Variants in SMCP observed in about 807,000 individuals in gnomAD.
SMCP encodes the protein sperm mitochondria associated cysteine rich protein.
For synonymous variants in SMCP, 41 were observed against 46.9 expected, an observed-to-expected ratio of 0.87 and a Z score of 0.51; for missense variants, 137 against 137.1, an observed-to-expected ratio of 1.00 and a Z score of 0.01.
At chr1:152,884,358 G>T (rs768904316) in intron 1 of SMCP, 45 bp from the exon 2 acceptor site, 46 of 1,487,116 alleles carry the variant, frequency 3.1e-5, no homozygotes, top group Non-Finnish European at 4.1e-5. Flanking sequence ...ATGAAAGCAG[G>T]CACCCAGATT....
intron 1 of SMCP, among the ~76,000 whole-genome samples, chr1:152,880,284 T>C (rs1335970936): frequency 6.6e-6 from 1 of 152,142 alleles, no homozygotes; most frequent in African/African-American, 2.4e-5. Flanking sequence ...GGACAGATAC[T>C]GGGCTCCCTG....
At chr1:152,879,432 G>A (rs866831497) in intron 1 of SMCP, among the ~76,000 whole-genome samples, 1 of 152,130 alleles carries the variant, frequency 6.6e-6, no homozygotes, top group South Asian at 2.1e-4. Context: ...TGTTGGCCAG[G>A]CTGGTCTCAA....
At chr1:152,879,265 G>T (rs2101621502) in intron 1 of SMCP, among the ~76,000 whole-genome samples, 1 of 152,264 alleles carries the variant, frequency 6.6e-6, no homozygotes, top group Non-Finnish European at 1.5e-5. Context: ...CTGTCACCCA[G>T]GCTGGAGTGC....
chr1:152,881,692 C>T lies in SMCP; in HGVS notation c.-20-2711C>T, dbSNP rs903998335. On this transcript the variant is annotated intron_variant, in intron 1 of 1. Transcript: ENST00000368765. ...CCTGGGCGACAGAGCGAGACTCCGT[C>T]TCAAAAAAAAAAAAAAAAAAAGATA... Among the ~76,000 whole-genome samples, 4 of 92,718 alleles carry T rather than the reference C, an allele frequency of 4.3e-5. No homozygotes were observed. The South Asian group carries it at 1.3e-3, about 30-fold the overall frequency. 60.8% of individuals were successfully genotyped at this position (92,718 alleles called of 152,430 possible). A position where few individuals can be genotyped will look rare whatever the true frequency, so the allele number is the denominator to read the frequency against.
intron 1 of SMCP, among the ~76,000 whole-genome samples, chr1:152,883,243 G>A (rs1377683482): frequency 4.6e-5 from 7 of 152,136 alleles, no homozygotes; most frequent in Non-Finnish European, 2.9e-5. Flanking sequence ...GTGGCTTTGT[G>A]AGCTGAGTCC....
rs61744941 is a variant in SMCP, at chr1:152,884,626, G to A, written c.204G>A (p.Gln68=). Residue 68 remains glutamine, a synonymous_variant, in exon 2 of 2, where the codon CAG becomes CAA. Coordinates refer to ENST00000368765, the MANE Select transcript of SMCP (RefSeq NM_030663.3). The part of the protein sequence containing the change: ...CCQPKPPCCI[Q]ARCCGLETKP... Reference sequence around the variant, plus strand: ...AGCCAAAACCCCCATGCTGCATTCAGGCCAGGTGCTGTGGTTTGGAGACCA... The same window carrying A: ...AGCCAAAACCCCCATGCTGCATTCAAGCCAGGTGCTGTGGTTTGGAGACCA... The A allele has an allele frequency of 0.012, 19,813 of 1,614,024 alleles. 1,696 individuals carry two copies. The African/African-American group carries it at 0.21, about 17-fold the overall frequency.
intron 1 of SMCP, among the ~76,000 whole-genome samples, chr1:152,880,469 T>G (rs1018463527): frequency 6.6e-6 from 1 of 152,190 alleles, no homozygotes; most frequent in African/African-American, 2.4e-5. Flanking sequence ...TTTATACTGG[T>G]CTGTCTCCGT....
At chr1:152,881,247 T>A (rs907161701) in intron 1 of SMCP, among the ~76,000 whole-genome samples, 9 of 152,008 alleles carry the variant, frequency 5.9e-5, no homozygotes, top group African/African-American at 2.2e-4. Flanking sequence ...TTCTATAAAG[T>A]CACAAGGGTG....
At chr1:152,880,736 T>C (rs1288623086) in intron 1 of SMCP, among the ~76,000 whole-genome samples, 1 of 151,972 alleles carries the variant, frequency 6.6e-6, no homozygotes, top group African/African-American at 2.4e-5. Flanking sequence ...CTGGCAGAGA[T>C]AGAGTCATGA....
chr1:152,882,439 G>A (rs1221438338), intron 1 of SMCP, among the ~76,000 whole-genome samples: 2 of 152,298 alleles, frequency 1.3e-5, no homozygotes, highest in East Asian at 3.9e-4. Context: ...CAGCAGGTCA[G>A]GATAGGATAG....
chr1:152,885,005 C>T lies in SMCP; in HGVS notation c.*232C>T, dbSNP rs6699386. ...GGCTAGAATCATCTTTCCTAGTGAT[C>T]CTGACATTTAGACAGCACAGAAATA... On this transcript the variant is annotated 3_prime_UTR_variant, in exon 2 of 2. Transcript: ENST00000368765. 2 of 569,174 alleles carry T rather than the reference C, an allele frequency of 3.5e-6. No individual in the cohort carries two copies. The highest frequency in any genetic ancestry group is 3.2e-5 in the Admixed American group (1 of 30,924). The allele number at this position is 569,174 out of a possible 1,614,324, so 35.3% of individuals were successfully genotyped here.
At chr1:152,881,613 G>A (rs61814546) in intron 1 of SMCP, among the ~76,000 whole-genome samples, 1 of 149,880 alleles carries the variant, frequency 6.7e-6, no homozygotes, top group African/African-American at 2.5e-5. Flanking sequence ...GCGTGAACCC[G>A]GGAAGCGGAG....
rs1649165000 is a variant in SMCP at position 152,884,734 on chromosome 1, G to A, written c.312G>A (p.Gln104=). The part of the protein sequence containing the change: ...TQDKGCQTQQ[Q]PHSPQNESRP... ...ACAAGGGCTGTCAAACCCAGCAGCA[G>A]CCCCATAGCCCACAAAATGAGTCCA... The change falls in exon 2 of 2, where the codon CAG becomes CAA. Residue 104 remains glutamine (Q), a synonymous_variant. Coordinates refer to ENST00000368765, the MANE Select transcript of SMCP (RefSeq NM_030663.3). 4 of 1,614,226 alleles carry A rather than the reference G, an allele frequency of 2.5e-6. No homozygotes were observed. The highest frequency in any genetic ancestry group is 3.4e-6 in the Non-Finnish European group (4 of 1,180,030).
At chr1:152,880,929 G>T (rs1350665343) in intron 1 of SMCP, among the ~76,000 whole-genome samples, 2 of 152,106 alleles carry the variant, frequency 1.3e-5, no homozygotes, top group Non-Finnish European at 2.9e-5. Flanking sequence ...TAATGCTGTA[G>T]TTCAGGAGAT....
intron 1 of SMCP, among the ~76,000 whole-genome samples, 172 bp from the exon 2 acceptor site, chr1:152,884,231 C>G (rs1649136818): frequency 6.6e-6 from 1 of 152,132 alleles, no homozygotes; most frequent in Non-Finnish European, 1.5e-5. Flanking sequence ...CTGGCATATG[C>G]AAAGGTAGAA....
intron 1 of SMCP, among the ~76,000 whole-genome samples, chr1:152,883,682 C>T (rs2101623643): frequency 6.6e-6 from 1 of 152,234 alleles, no homozygotes; most frequent in South Asian, 2.1e-4. Flanking sequence ...AGGTACAAGC[C>T]CAGAGAGATG....
intron 1 of SMCP, among the ~76,000 whole-genome samples, chr1:152,881,874 T>C (rs1283317480): frequency 2.6e-5 from 4 of 152,326 alleles, no homozygotes. Flanking sequence ...ACAGGGGAAA[T>C]GTCAGATGCT....
chr1:152,878,874 G>A (rs965157990), intron 1 of SMCP, among the ~76,000 whole-genome samples: 1 of 152,218 alleles, frequency 6.6e-6, no homozygotes, highest in African/African-American at 2.4e-5. Flanking sequence ...AGAGACCCAG[G>A]AAGGGTGGTT....
rs1648934342 is a variant in SMCP, at chr1:152,878,352, T to C, written c.-115T>C. Reference sequence around the variant, plus strand: ...GCTTTGGCTTCTGATAGTCATGGACTCACTAGGCTGCTGAGGAAGATCAAT... The same window carrying C: ...GCTTTGGCTTCTGATAGTCATGGACCCACTAGGCTGCTGAGGAAGATCAAT... On this transcript the variant is annotated 5_prime_UTR_variant, in exon 1 of 2. Coordinates refer to ENST00000368765, the MANE Select transcript of SMCP (RefSeq NM_030663.3). 6.6e-6 allele frequency: 1 copy of C among 152,638 alleles called. No homozygotes were observed. The highest frequency in any genetic ancestry group is 1.5e-5 in the Non-Finnish European group (1 of 68,070). The allele number at this position is 152,638 out of a possible 1,614,324, so 9.5% of individuals were successfully genotyped here. A position where few individuals can be genotyped will look rare whatever the true frequency, so the allele number is the denominator to read the frequency against.
Sources: gnomAD v4.1 joint callset for allele counts (sites outside exome capture counted in the v4.1 genomes callset) on GRCh38, gnomAD v4.1.1 for gene constraint, MANE v1.5 for transcripts, NCBI Gene and HGNC (gene_info 2026-07-23, HGNC 2026-07-21) for gene names.